The following PCLO variants were observed in gnomAD, a reference collection of about 807,000 sequenced individuals.
PCLO encodes the protein protein piccolo.
Under a neutral mutation model 427.5 loss-of-function variants are expected in PCLO, and 82 were observed. That is an observed-to-expected ratio of 0.19 (90% CI 0.16 to 0.23). The LOEUF (loss-of-function observed/expected upper bound fraction) is 0.23. Among genes scored for constraint, PCLO ranks in the 10% least tolerant of loss-of-function variants. The probability of loss-of-function intolerance (pLI) is 1.00; values close to 1 mark genes in which losing one functional copy is unlikely to be tolerated. For synonymous variants in PCLO, 2,357 were observed against 2,155.4 expected, an observed-to-expected ratio of 1.09 and a Z score of -2.59; for missense variants, 6,239 against 6,115.9, an observed-to-expected ratio of 1.02 and a Z score of -0.67.
chr7:83,110,041 T>C lies in PCLO; in HGVS notation c.3300+24209A>G, dbSNP rs370243110. ...ATCTATAAAATGAGGAGAATAAAAA[T>C]ATATGGTTTTGGATATTTTGTGCTT... On this transcript the variant is annotated intron_variant, in intron 3 of 24. Transcript: ENST00000333891. 7.9e-5 allele frequency among the ~76,000 whole-genome samples: 12 copies of C among 151,424 alleles called. 1 individual carries two copies. The highest frequency in any genetic ancestry group is 2.7e-4 in the African/African-American group (11 of 41,312).
intron 16 of PCLO, among the ~76,000 whole-genome samples, chr7:82,829,765 C>A (rs535441330): frequency 6.6e-6 from 1 of 152,138 alleles, no homozygotes; most frequent in African/African-American, 2.4e-5. Flanking sequence ...TAGAGAAATT[C>A]TCCTACCTGT....
At chr7:82,837,407 T>C (rs1792257445) in intron 15 of PCLO, among the ~76,000 whole-genome samples, 1 of 152,060 alleles carries the variant, frequency 6.6e-6, no homozygotes, top group Non-Finnish European at 1.5e-5. Flanking sequence ...CCAGTTTCTT[T>C]AAATTACCAA....
At chr7:82,828,931 T>A (rs914715264) in intron 16 of PCLO, among the ~76,000 whole-genome samples, 3 of 152,150 alleles carry the variant, frequency 2.0e-5, no homozygotes, top group African/African-American at 7.2e-5. Context: ...GGTCTTGACA[T>A]GTGTCTGGAT....
Position 82,857,317 on chromosome 7 carries a change from C to T in PCLO, c.13655-10070G>A, listed in dbSNP as rs75470199. On this transcript the variant is annotated intron_variant, in intron 10 of 24. Transcript: ENST00000333891. ...TTGATGCACTTAGGAATGAGAAATG[C>T]TTGCCTTAACTGTTGCCTCCTCTGC... Among the ~76,000 whole-genome samples, 354 of 152,176 alleles carry T rather than the reference C, an allele frequency of 2.3e-3. 3 individuals carry two copies. Among genetic ancestry groups the T allele is most frequent in the Non-Finnish European group, 4.1e-3 (279 of 67,970 alleles).
At position 82,954,721 on chromosome 7, in the gene PCLO, G is replaced by C. The variant is rs2116447533; in HGVS notation, c.6232C>G (p.Pro2078Ala). The C allele has an allele frequency of 6.2e-7, 1 of 1,613,874 alleles. No individual in the cohort carries two copies. Among genetic ancestry groups the C allele is most frequent in the South Asian group, 1.1e-5 (1 of 91,084 alleles). The change falls in exon 5 of 25, where the codon CCT becomes GCT. Residue 2078 changes from proline (P) to alanine (A), a missense_variant. Coordinates refer to ENST00000333891, the MANE Select transcript of PCLO (RefSeq NM_033026.6). ...LMKRQQMQLT[P>A]GSSPTQAPIG... ...GGGGCCTGGGTTGGGCTAGATCCAG[G>C]TGTTAATTGCATCTGTTGCCTCTTC...
In PCLO at chr7:82,755,986, T is replaced by C. The variant is rs1790310542; in HGVS notation, c.*2589A>G. On this transcript the variant is annotated 3_prime_UTR_variant, in exon 25 of 25. Transcript: ENST00000333891. ...CTGATTGACCTAGCCCCATCGCTAG[T>C]TCCTTGGAACGGAGGGGCTTCTATA... The C allele has an allele frequency of 6.6e-6, 1 of 152,154 alleles. No individual in the cohort carries two copies. Among genetic ancestry groups the C allele is most frequent in the Admixed American group, 6.6e-5 (1 of 15,258 alleles). 9.4% of individuals were successfully genotyped at this position (152,154 alleles called of 1,614,324 possible). A position where few individuals can be genotyped will look rare whatever the true frequency, so the allele number is the denominator to read the frequency against.
rs1481172765 is a variant in PCLO at position 82,754,252 on chromosome 7, G to A, written c.*4323C>T. 1 of 151,864 alleles carries A rather than the reference G, an allele frequency of 6.6e-6. No individual in the cohort carries two copies. Among genetic ancestry groups the A allele is most frequent in the Non-Finnish European group, 1.5e-5 (1 of 67,956 alleles). 9.4% of individuals were successfully genotyped at this position (151,864 alleles called of 1,614,324 possible). ...ATTTGTCCATTAGATTTTCCAAAGG[G>A]ATTTGGGTAAAACAAACAAACAAAA... On this transcript the variant is annotated 3_prime_UTR_variant, in exon 25 of 25. Coordinates refer to ENST00000333891, the MANE Select transcript of PCLO (RefSeq NM_033026.6).
intron 3 of PCLO, among the ~76,000 whole-genome samples, chr7:83,039,813 T>C (rs1404267288): frequency 6.6e-6 from 1 of 152,146 alleles, no homozygotes; most frequent in African/African-American, 2.4e-5. Context: ...ATTAGAAGTC[T>C]TCCAATCTAT....
chr7:83,061,933 C>G (rs192883978), intron 3 of PCLO, among the ~76,000 whole-genome samples: 180 of 152,212 alleles, frequency 1.2e-3, no homozygotes, highest in Non-Finnish European at 2.0e-3. Flanking sequence ...TCATGTATTT[C>G]AAACCTTTTA....
intron 19 of PCLO, 98 bp from the exon 20 acceptor site, chr7:82,822,787 T>G: frequency 2.1e-6 from 2 of 937,528 alleles, no homozygotes; most frequent in Non-Finnish European, 3.4e-6. Flanking sequence ...AAATTTATGT[T>G]AATTCTGAGT....
Position 82,915,741 on chromosome 7 carries a change from G to A in PCLO, c.12245C>T (p.Thr4082Ile). 1 of 1,612,124 alleles carries A rather than the reference G, an allele frequency of 6.2e-7. No homozygotes were observed. The highest frequency in any genetic ancestry group is 8.5e-7 in the Non-Finnish European group (1 of 1,178,996). Residue 4082 changes from threonine to isoleucine, a missense_variant, in exon 7 of 25, where the codon ACC (threonine) becomes ATC (isoleucine). Transcript: ENST00000333891. Reference protein sequence around the residue: ...DLSKTDRLLRTTETRRSQEVT... With the variant: ...DLSKTDRLLRITETRRSQEVT... ...TTCTTGAGACCGGCGTGTCTCAGTG[G>A]TTCGAAGGAGACGGTCTGTTTTTGA... is the stretch of plus-strand genomic sequence containing the variant.
At chr7:82,982,392 C>G (rs147023017) in intron 3 of PCLO, among the ~76,000 whole-genome samples, 4 of 151,974 alleles carry the variant, frequency 2.6e-5, no homozygotes, top group African/African-American at 9.7e-5. Context: ...GTTAACCAGT[C>G]AAAGCAGAGC....
intron 3 of PCLO, among the ~76,000 whole-genome samples, chr7:82,999,025 CTG>C (rs2115896074): frequency 6.7e-6 from 1 of 149,016 alleles, no homozygotes; most frequent in South Asian, 2.1e-4. Context: ...AAAAAAAACA[CTG>C]TAACAGAAAT....
At chr7:83,019,445 A>G (rs1788288222) in intron 3 of PCLO, among the ~76,000 whole-genome samples, 1 of 151,634 alleles carries the variant, frequency 6.6e-6, no homozygotes, top group Admixed American at 6.6e-5. Context: ...TTTTTTTTTA[A>G]CAAAATGTAT....
rs79058982 is a variant in PCLO at position 83,159,490 on chromosome 7, T to A, written c.248+2855A>T. ...GGGTCTACAATGAACAAAAAATCCATGAGCATTTCATTTGTAACCTGTCTT... is the reference window on the plus strand; with the variant it reads ...GGGTCTACAATGAACAAAAAATCCAAGAGCATTTCATTTGTAACCTGTCTT... On this transcript the variant is annotated intron_variant, in intron 1 of 24. Coordinates refer to ENST00000333891, the MANE Select transcript of PCLO (RefSeq NM_033026.6). Among the ~76,000 whole-genome samples the A allele has an allele frequency of 8.1e-3, 1,228 of 152,100 alleles. 26 individuals are homozygous for A. Among genetic ancestry groups the A allele is most frequent in the African/African-American group, 0.027 (1,120 of 41,512 alleles).
chr7:82,766,676 G>GTCT (rs1393316196), intron 22 of PCLO, among the ~76,000 whole-genome samples: 2 of 152,024 alleles, frequency 1.3e-5, no homozygotes. Context: ...CACTTTTATA[G>GTCT]GTCATAGTCT....
chr7:82,820,832 T>C, intron 20 of PCLO: 1 of 1,231,192 alleles, frequency 8.1e-7, no homozygotes, highest in South Asian at 4.1e-5. Context: ...GTTAGTAGCA[T>C]GCATTCCATT....
chr7:82,887,204 A>G (rs1793647964), intron 9 of PCLO, among the ~76,000 whole-genome samples: 1 of 152,164 alleles, frequency 6.6e-6, no homozygotes, highest in African/African-American at 2.4e-5. Context: ...AAGGAGGGTT[A>G]GAAACTTGCT....
intron 22 of PCLO, among the ~76,000 whole-genome samples, chr7:82,787,159 C>T (rs1003953938): frequency 1.6e-4 from 25 of 151,750 alleles, no homozygotes; most frequent in African/African-American, 4.8e-4. Flanking sequence ...GAGGAATAAC[C>T]ACACTGTCTT....
Sources: allele counts gnomAD v4.1 joint callset (sites outside exome capture counted in the v4.1 genomes callset), GRCh38; gene constraint gnomAD v4.1.1; transcripts MANE v1.5; gene names NCBI Gene and HGNC (gene_info 2026-07-23, HGNC 2026-07-21).